BABAM2: variants seen among roughly 807,000 people sequenced by gnomAD.
BABAM2 encodes the protein BRISC and BRCA1-A complex member 2.
BABAM2 carries 31 observed loss-of-function variants against 54.7 expected under a neutral mutation model. The ratio of observed to expected loss-of-function variants is 0.57; its 90% CI spans 0.43 to 0.77. BABAM2 has a LOEUF of 0.77. Ranked by LOEUF, BABAM2 falls within the 30% of genes least tolerant of loss-of-function variation. The pLI, the probability that BABAM2 is intolerant of heterozygous loss-of-function variation, is 0.00. For synonymous variants in BABAM2, 167 were observed against 162.9 expected, an observed-to-expected ratio of 1.03 and a Z score of -0.19; for missense variants, 364 against 455.8, an observed-to-expected ratio of 0.80 and a Z score of 1.83.
chr2:28,172,063 GTGTTTTGTTT>G (rs779663105), intron 7 of BABAM2, among the ~76,000 whole-genome samples: 2 of 148,770 alleles, frequency 1.3e-5, no homozygotes, highest in African/African-American at 5.0e-5. Flanking sequence ...TGTGTCTTCT[GTGTTTTGTTT>G]TGTTTTGTTT....
chr2:28,319,187 C>T (rs1399658707), intron 11 of BABAM2, among the ~76,000 whole-genome samples: 1 of 152,250 alleles, frequency 6.6e-6, no homozygotes, highest in Admixed American at 6.5e-5. Flanking sequence ...CATGTTAGTG[C>T]ACCAGATGTG....
At chr2:28,249,044 G>A (rs1022396420) in intron 10 of BABAM2, among the ~76,000 whole-genome samples, 1 of 151,730 alleles carries the variant, frequency 6.6e-6, no homozygotes, top group Non-Finnish European at 1.5e-5. Flanking sequence ...TGTTTTTATA[G>A]GGCCCTTGAG....
At chr2:28,015,858 G>T in intron 4 of BABAM2, 1 of 723,744 alleles carries the variant, frequency 1.4e-6, no homozygotes, top group Non-Finnish European at 2.2e-6. Flanking sequence ...GTTCTTCACT[G>T]CTTTTCCTCT....
chr2:28,124,309 A>G (rs1251138820), intron 6 of BABAM2, among the ~76,000 whole-genome samples: 4 of 152,204 alleles, frequency 2.6e-5, no homozygotes, highest in Admixed American at 6.5e-5. Context: ...TTAAAGTCAT[A>G]TTATACAATT....
At chr2:27,999,628 C>T (rs989099207) in intron 4 of BABAM2, among the ~76,000 whole-genome samples, 4 of 152,174 alleles carry the variant, frequency 2.6e-5, no homozygotes, top group Admixed American at 6.5e-5. Flanking sequence ...TTAACCAAGA[C>T]GTTGAAACTT....
intron 5 of BABAM2, among the ~76,000 whole-genome samples, chr2:28,036,925 T>C (rs564053038): frequency 8.1e-4 from 123 of 152,332 alleles, no homozygotes; most frequent in African/African-American, 2.9e-3. Context: ...TGAGGACACA[T>C]AGACTGTTTT....
At chr2:28,242,948 A>G (rs1682580976) in intron 9 of BABAM2, among the ~76,000 whole-genome samples, 1 of 152,204 alleles carries the variant, frequency 6.6e-6, no homozygotes, top group Non-Finnish European at 1.5e-5. Flanking sequence ...AAGTAAGATT[A>G]TCTTTAGTAT....
At chr2:28,172,959 T>A (rs998382850) in intron 7 of BABAM2, among the ~76,000 whole-genome samples, 4 of 152,188 alleles carry the variant, frequency 2.6e-5, no homozygotes, top group Non-Finnish European at 5.9e-5. Flanking sequence ...TGGTGCAGCC[T>A]CTCTTCCTGG....
At chr2:28,201,752 G>T (rs1268223299) in intron 7 of BABAM2, among the ~76,000 whole-genome samples, 1 of 152,170 alleles carries the variant, frequency 6.6e-6, no homozygotes, top group African/African-American at 2.4e-5. Context: ...TCTTGCCAGA[G>T]ATTTCTTAAG....
At chr2:27,898,491 G>A (rs1419941404) in intron 2 of BABAM2, among the ~76,000 whole-genome samples, 2 of 152,130 alleles carry the variant, frequency 1.3e-5, no homozygotes, top group Admixed American at 6.6e-5. Flanking sequence ...TGAACAATCA[G>A]ATTAGATGAC....
chr2:27,949,039 G>T (rs1573239981), intron 3 of BABAM2, among the ~76,000 whole-genome samples: 1 of 152,202 alleles, frequency 6.6e-6, no homozygotes, highest in Admixed American at 6.5e-5. Flanking sequence ...AAGAGCTAAG[G>T]TCTGCCTACC....
intron 6 of BABAM2, among the ~76,000 whole-genome samples, chr2:28,069,349 G>A (rs901333326): frequency 6.6e-6 from 1 of 152,108 alleles, no homozygotes; most frequent in African/African-American, 2.4e-5. Flanking sequence ...CCTACTACAT[G>A]CCAAGCACTG....
chr2:28,207,587 C>T (rs986963031), intron 7 of BABAM2, among the ~76,000 whole-genome samples: 2 of 152,032 alleles, frequency 1.3e-5, no homozygotes, highest in African/African-American at 4.8e-5. Context: ...CAAGGAATAG[C>T]ATCAATCCAG....
chr2:28,065,223 A>G (rs1679214756), intron 6 of BABAM2, among the ~76,000 whole-genome samples: 1 of 152,176 alleles, frequency 6.6e-6, no homozygotes, highest in Non-Finnish European at 1.5e-5. Context: ...TGTTACCACT[A>G]TCACCTCTTC....
At chr2:28,224,384 G>A (rs1013368184) in intron 7 of BABAM2, among the ~76,000 whole-genome samples, 1 of 152,100 alleles carries the variant, frequency 6.6e-6, no homozygotes, top group East Asian at 1.9e-4. Flanking sequence ...TTAATTTCAC[G>A]CAAGCCCTTT....
rs372939389 is a variant in BABAM2, at chr2:28,226,277, A to G, written c.681-10925A>G. ...GGCCTTTTACTGAAAAAGTTTGCCA[A>G]TCCCTTTCCAAGACCGTTAAACTCT... On this transcript the variant is annotated intron_variant, in intron 7 of 11. Coordinates refer to ENST00000379624, the MANE Select transcript of BABAM2 (RefSeq NM_199191.3). 1.4e-4 allele frequency among the ~76,000 whole-genome samples: 22 copies of G among 152,320 alleles called. No homozygotes were observed. In the South Asian group the frequency reaches 3.7e-3, roughly 26 times the overall value.
At chr2:28,198,215 G>C (rs533337896) in intron 7 of BABAM2, among the ~76,000 whole-genome samples, 90 of 151,800 alleles carry the variant, frequency 5.9e-4, no homozygotes, top group Middle Eastern at 3.4e-3. Flanking sequence ...GCTGGATGGA[G>C]TGCAGTGGTA....
intron 10 of BABAM2, among the ~76,000 whole-genome samples, chr2:28,253,747 A>T (rs572667658): frequency 1.3e-5 from 2 of 152,342 alleles, no homozygotes; most frequent in East Asian, 3.9e-4. Flanking sequence ...GTCTGCAGCC[A>T]TGCACAGGTC....
intron 6 of BABAM2, among the ~76,000 whole-genome samples, chr2:28,074,322 A>G (rs1664454647): frequency 6.6e-6 from 1 of 152,154 alleles, no homozygotes; most frequent in Non-Finnish European, 1.5e-5. Flanking sequence ...GTTTAGCAGC[A>G]TTCCTGGCAT....
Sources: allele counts gnomAD v4.1 joint callset (sites outside exome capture counted in the v4.1 genomes callset), GRCh38; gene constraint gnomAD v4.1.1; transcripts MANE v1.5; gene names NCBI Gene and HGNC (gene_info 2026-07-23, HGNC 2026-07-21).